EVI5: variants seen among roughly 807,000 people sequenced by gnomAD.
EVI5 encodes ecotropic viral integration site 5, also known as ecotropic viral integration site 5 protein homolog.
EVI5 carries 73 observed loss-of-function variants against 112.0 expected under a neutral mutation model. The ratio of observed to expected loss-of-function variants is 0.65; its 90% CI spans 0.54 to 0.79. EVI5 has a LOEUF of 0.79. Ranked by LOEUF, EVI5 falls within the 30% of genes least tolerant of loss-of-function variation. The pLI is 0.00. For synonymous variants in EVI5, 305 were observed against 319.9 expected (o/e 0.95, Z 0.50); for missense variants, 900 against 968.8 (o/e 0.93, Z 0.94).
At chr1:92,638,504 G>A (rs1305770651) in intron 13 of EVI5, among the ~76,000 whole-genome samples, 1 of 152,130 alleles carries the variant, frequency 6.6e-6, no homozygotes, top group African/African-American at 2.4e-5. Flanking sequence ...AAAAGATGCT[G>A]CTGTGAACTA....
chr1:92,549,172 A>G (rs1454641937), intron 19 of EVI5, among the ~76,000 whole-genome samples: 2 of 152,228 alleles, frequency 1.3e-5, no homozygotes, highest in South Asian at 2.1e-4. Flanking sequence ...GGAATAGAAC[A>G]GAGGCCTCAG....
chr1:92,578,716 T>TA lies in EVI5; in HGVS notation c.2071-14980dup, dbSNP rs71586756. On this transcript the variant is annotated intron_variant, in intron 18 of 19. Coordinates refer to ENST00000684568, the MANE Select transcript of EVI5 (RefSeq NM_001350197.2). ...CTGGGAGACAGAGCAAGACTCTGTC[T>TA]AAAAAAAAAAAAAAAAGAAAAGAAA... 3.4e-3 allele frequency among the ~76,000 whole-genome samples: 414 copies of TA among 121,560 alleles called. 1 individual carries two copies. The highest frequency in any genetic ancestry group is 7.6e-3 in the East Asian group (30 of 3,938). 79.7% of individuals were successfully genotyped at this position (121,560 alleles called of 152,430 possible). A position where few individuals can be genotyped will look rare whatever the true frequency, so the allele number is the denominator to read the frequency against.
chr1:92,619,030 A>C (rs1431294950), intron 16 of EVI5, among the ~76,000 whole-genome samples: 1 of 152,200 alleles, frequency 6.6e-6, no homozygotes, highest in Non-Finnish European at 1.5e-5. Flanking sequence ...ATTATGTATG[A>C]TCTCAGGAGA....
chr1:92,533,883 CCT>C (rs1383662112), intron 19 of EVI5, among the ~76,000 whole-genome samples: 1 of 152,132 alleles, frequency 6.6e-6, no homozygotes. Flanking sequence ...ACAAGGATGC[CCT>C]CTCTCACCAC....
Position 92,626,465 on chromosome 1 carries a change from T to C in EVI5, c.1528-531A>G, listed in dbSNP as rs374855627. 2.0e-5 allele frequency among the ~76,000 whole-genome samples: 3 copies of C among 152,200 alleles called. No individual in the cohort carries two copies. The East Asian group carries it at 5.8e-4, about 29-fold the overall frequency. ...TTGGGTTGTTTCCACTTTTTGACTA[T>C]TATAATGTTGCTATGAACATTGGTG... On this transcript the variant is annotated intron_variant, in intron 14 of 19. Coordinates refer to ENST00000684568, the MANE Select transcript of EVI5 (RefSeq NM_001350197.2).
In EVI5 at chr1:92,677,204, T is replaced by C; in HGVS notation, c.1112A>G (p.Tyr371Cys). 1 of 1,578,988 alleles carries C rather than the reference T, an allele frequency of 6.3e-7. No homozygotes were observed. The highest frequency in any genetic ancestry group is 1.1e-5 in the South Asian group (1 of 87,122). ...SKKMKKLEKE[Y>C]TTIKTKEMEE... ...CATTTCTTTCGTTTTTATTGTAGTG[T>C]ATTCCTTTTCAAGCCTAAGAAAGGA... Residue 371 changes from tyrosine (Y) to cysteine (C), a missense_variant, in exon 10 of 20, where the codon TAC becomes TGC. Transcript: ENST00000684568.
intron 18 of EVI5, among the ~76,000 whole-genome samples, chr1:92,596,076 G>T (rs879413520): frequency 1.3e-5 from 2 of 152,124 alleles, no homozygotes; most frequent in Non-Finnish European, 2.9e-5. Flanking sequence ...ACAATATTTT[G>T]CTGGGCTTGG....
chr1:92,617,466 G>A (rs907438969), intron 16 of EVI5, among the ~76,000 whole-genome samples: 1 of 152,172 alleles, frequency 6.6e-6, no homozygotes, highest in Non-Finnish European at 1.5e-5. Flanking sequence ...CTCAGCAGAG[G>A]AGGAGTTTAA....
At chr1:92,547,518 T>C (rs190071937) in intron 19 of EVI5, among the ~76,000 whole-genome samples, 175 of 151,976 alleles carry the variant, frequency 1.2e-3, no homozygotes, top group Non-Finnish European at 1.9e-3. Context: ...CTGAAGGAGA[T>C]AGAGACACAA....
At chr1:92,636,452 A>C in intron 13 of EVI5, 116 bp from the exon 14 acceptor site, 1 of 781,860 alleles carries the variant, frequency 1.3e-6, no homozygotes, top group Non-Finnish European at 2.0e-6. Flanking sequence ...AAATAGGAGA[A>C]GTTCCATCTA....
intron 1 of EVI5, 106 bp downstream of exon 1, chr1:92,784,730 G>A (rs1032343684): frequency 1.2e-6 from 1 of 832,042 alleles, no homozygotes; most frequent in Non-Finnish European, 1.4e-6. Context: ...CAAAACTTGC[G>A]GCGGCCCCCG....
chr1:92,648,290 G>A (rs1412694854), intron 13 of EVI5, among the ~76,000 whole-genome samples: 3 of 149,078 alleles, frequency 2.0e-5, no homozygotes, highest in Admixed American at 6.7e-5. Context: ...GGAGAATGGC[G>A]TGAACCCGGG....
At chr1:92,561,607 TCCTA>T (rs1413556333) in intron 19 of EVI5, among the ~76,000 whole-genome samples, 3 of 132,084 alleles carry the variant, frequency 2.3e-5, no homozygotes, top group Non-Finnish European at 4.9e-5. Flanking sequence ...ATCTAATCTA[TCCTA>T]TCTATCTATC....
At chr1:92,586,784 T>C (rs1349238263) in intron 18 of EVI5, among the ~76,000 whole-genome samples, 1 of 151,952 alleles carries the variant, frequency 6.6e-6, no homozygotes, top group South Asian at 2.1e-4. Flanking sequence ...AGGGTACATG[T>C]GCACAATGTG....
chr1:92,690,064 G>A (rs115034600), intron 9 of EVI5, among the ~76,000 whole-genome samples: 1,947 of 152,130 alleles, frequency 0.013, 44 homozygotes, highest in African/African-American at 0.043. Context: ...TTATTGCAGA[G>A]ATGGGGTCTC....
chr1:92,533,970 G>A (rs1003590883), intron 19 of EVI5, among the ~76,000 whole-genome samples: 1 of 152,186 alleles, frequency 6.6e-6, no homozygotes, highest in African/African-American at 2.4e-5. Context: ...TATTCAATTA[G>A]TCAGAGAAGA....
At chr1:92,737,616 A>C (rs1206242421) in intron 1 of EVI5, among the ~76,000 whole-genome samples, 1 of 92,028 alleles carries the variant, frequency 1.1e-5, no homozygotes, top group Non-Finnish European at 2.5e-5. Flanking sequence ...ACATATGTAC[A>C]CACACAAAAA....
intron 10 of EVI5, among the ~76,000 whole-genome samples, chr1:92,673,169 C>T (rs940209206): frequency 7.2e-6 from 1 of 139,406 alleles, no homozygotes; most frequent in Non-Finnish European, 1.5e-5. Flanking sequence ...TCCTGGGCAA[C>T]TTAGATAACA....
intron 13 of EVI5, among the ~76,000 whole-genome samples, chr1:92,644,219 A>C (rs1386918300): frequency 6.6e-6 from 1 of 152,226 alleles, no homozygotes; most frequent in African/African-American, 2.4e-5. Context: ...AATTTATATC[A>C]TGTGCCTTCC....
Sources: allele counts gnomAD v4.1 joint callset (sites outside exome capture counted in the v4.1 genomes callset), GRCh38; gene constraint gnomAD v4.1.1; transcripts MANE v1.5; gene names NCBI Gene and HGNC (gene_info 2026-07-23, HGNC 2026-07-21).